Variants in TTLL12 observed in about 807,000 individuals in gnomAD.
The protein encoded by TTLL12 is tubulin tyrosine ligase like 12.
In TTLL12, 77 loss-of-function variants were observed where a neutral mutation model predicts 79.6. That is an observed-to-expected ratio of 0.97 (90% confidence interval 0.81 to 1.17). TTLL12 has a LOEUF of 1.17. Among genes scored for constraint, TTLL12 ranks in the 50% most tolerant of loss-of-function variants. The probability of loss-of-function intolerance (pLI) is 0.00; values close to 1 mark genes in which losing one functional copy is unlikely to be tolerated. For missense variants in TTLL12, 969 were observed against 895.9 expected (o/e 1.08, Z -1.04); for synonymous variants, 437 against 376.1 (o/e 1.16, Z -1.87).
chr22:43,181,936 A>G (rs1054592990), intron 2 of TTLL12, among the ~76,000 whole-genome samples: 3 of 150,020 alleles, frequency 2.0e-5, no homozygotes, highest in Non-Finnish European at 4.5e-5. Flanking sequence ...GTACAAAGAT[A>G]GCTATGGGGA....
At position 43,176,352 on chromosome 22, in the gene TTLL12, G is replaced by C. The variant is rs1425654013; in HGVS notation, c.885C>G (p.Asn295Lys). The change falls in exon 6 of 14, where the codon AAC becomes AAG. Residue 295 changes from asparagine to lysine, a missense_variant. Transcript: ENST00000216129. ...TGTGGCCGTGGGGGTGCACCACGGG[G>C]TTGATGTCAAGTGGCAGCTTCTCCT... is the stretch of plus-strand genomic sequence containing the variant. ...ENKEKLPLDI[N>K]PVVHPHGHIF... 16 of 1,604,906 alleles carry C rather than the reference G, an allele frequency of 1.0e-5. No individual in the cohort carries two copies. Among genetic ancestry groups the C allele is most frequent in the Non-Finnish European group, 1.4e-5 (16 of 1,176,912 alleles).
chr22:43,178,414 T>C (rs1186801595), intron 5 of TTLL12, among the ~76,000 whole-genome samples: 2 of 151,786 alleles, frequency 1.3e-5, no homozygotes, highest in Admixed American at 6.6e-5. Context: ...CTCCGCCTCC[T>C]GGGTTCACAC....
At chr22:43,173,479 T>G (rs1410836474) in intron 9 of TTLL12, among the ~76,000 whole-genome samples, 1 of 152,066 alleles carries the variant, frequency 6.6e-6, no homozygotes, top group African/African-American at 2.4e-5. Context: ...CCCAGATAAT[T>G]TTTAAAGTTT....
chr22:43,171,784 G>A lies in TTLL12; in HGVS notation c.1575+35C>T, dbSNP rs770688841. ...TGGGGTCGGGTGTGCCCTGGCCTCT[G>A]TGTGAACCTGCTCTGCACCTCCCTC... On this transcript the variant is annotated intron_variant, in intron 11 of 13. Coordinates refer to ENST00000216129, the MANE Select transcript of TTLL12 (RefSeq NM_015140.4). 19 of 1,598,446 alleles carry A rather than the reference G, an allele frequency of 1.2e-5. No homozygotes were observed. The East Asian group carries it at 3.8e-4, about 32-fold the overall frequency.
rs1322912865 is a variant in TTLL12, at chr22:43,186,990, G to A, written c.80C>T (p.Ala27Val). ...GTGCAGCGCCGCGAACTCGGCCAAGGCCTGCGCGCCCTCCTCCGGCGTCTG... is the reference window on the plus strand; with the variant it reads ...GTGCAGCGCCGCGAACTCGGCCAAGACCTGCGCGCCCTCCTCCGGCGTCTG... Reference protein sequence around the residue: ...PGQTPEEGAQALAEFAALHGP... With the variant: ...PGQTPEEGAQVLAEFAALHGP... The change falls in exon 1 of 14, where the codon GCC becomes GTC. Residue 27 changes from alanine (A) to valine (V), a missense_variant. By Grantham distance (64) the Ala-to-Val change is moderately conservative. Coordinates refer to ENST00000216129, the MANE Select transcript of TTLL12 (RefSeq NM_015140.4). The A allele has an allele frequency of 1.6e-6, 2 of 1,284,142 alleles. No individual in the cohort carries two copies. Among genetic ancestry groups the A allele is most frequent in the Non-Finnish European group, 2.0e-6 (2 of 1,013,256 alleles). The allele number at this position is 1,284,142 out of a possible 1,614,324, so 79.5% of individuals were successfully genotyped here. A position where few individuals can be genotyped will look rare whatever the true frequency, so the allele number is the denominator to read the frequency against.
intron 9 of TTLL12, among the ~76,000 whole-genome samples, chr22:43,172,875 T>G (rs1014759484): frequency 2.2e-4 from 34 of 152,002 alleles, no homozygotes; most frequent in African/African-American, 8.2e-4. Flanking sequence ...TTTCTGTATT[T>G]TTAGTAGAGA....
intron 1 of TTLL12, among the ~76,000 whole-genome samples, chr22:43,186,283 A>G (rs925289577): frequency 6.9e-6 from 1 of 145,612 alleles, no homozygotes; most frequent in Non-Finnish European, 1.5e-5. Flanking sequence ...GACAGTGGGG[A>G]ACGCTTTGGA....
intron 10 of TTLL12, 99 bp from the exon 11 acceptor site, chr22:43,171,999 C>T: frequency 9.7e-7 from 1 of 1,029,352 alleles, no homozygotes; most frequent in African/African-American, 1.6e-5. Flanking sequence ...GGGTTCAGGG[C>T]TCAGGGCAGG....
chr22:43,173,624 A>C (rs1158583989), intron 9 of TTLL12, 91 bp downstream of exon 9: 2 of 1,268,136 alleles, frequency 1.6e-6, no homozygotes, highest in Non-Finnish European at 1.1e-6. Context: ...GGACCTGTCC[A>C]TAAGGACCAT....
At chr22:43,177,736 C>T (rs180869921) in intron 5 of TTLL12, among the ~76,000 whole-genome samples, 8 of 152,338 alleles carry the variant, frequency 5.3e-5, no homozygotes, top group African/African-American at 7.2e-5. Flanking sequence ...GCCCGACGGG[C>T]GGCCTGTGTA....
intron 13 of TTLL12, 54 bp downstream of exon 13, chr22:43,168,720 C>T: frequency 2.6e-6 from 4 of 1,542,288 alleles, no homozygotes; most frequent in African/African-American, 1.4e-5. Flanking sequence ...CTGTGGCTGG[C>T]TGGCGGAGGG....
chr22:43,187,097 G>T lies in TTLL12; in HGVS notation c.-28C>A. 1.8e-6 allele frequency: 2 copies of T among 1,084,474 alleles called. No homozygotes were observed. Among genetic ancestry groups the T allele is most frequent in the Non-Finnish European group, 2.2e-6 (2 of 896,666 alleles). The allele number at this position is 1,084,474 out of a possible 1,614,324, so 67.2% of individuals were successfully genotyped here. A position where few individuals can be genotyped will look rare whatever the true frequency, so the allele number is the denominator to read the frequency against. On this transcript the variant is annotated 5_prime_UTR_variant, in exon 1 of 14. Coordinates refer to ENST00000216129, the MANE Select transcript of TTLL12 (RefSeq NM_015140.4). ...CGCCAGCACCCGCGCCGACTCCAGC[G>T]CCGCCACCGCCGCCGCCGCCCGCCG...
At chr22:43,180,041 C>T (rs1430744755) in intron 3 of TTLL12, 41 bp from the exon 4 acceptor site, 7 of 1,531,490 alleles carry the variant, frequency 4.6e-6, no homozygotes, top group Non-Finnish European at 6.1e-6. Context: ...CTCACCCATC[C>T]ACCCACCGGA....
intron 9 of TTLL12, among the ~76,000 whole-genome samples, chr22:43,172,928 C>T (rs1452606306): frequency 1.3e-5 from 2 of 152,256 alleles, no homozygotes; most frequent in African/African-American, 2.4e-5. Context: ...GAACTCTTGA[C>T]CTCAGGTGAT....
chr22:43,186,614 G>A (rs1343143208), intron 1 of TTLL12, among the ~76,000 whole-genome samples: 2 of 152,168 alleles, frequency 1.3e-5, no homozygotes, highest in East Asian at 1.9e-4. Flanking sequence ...TTCACTCCTC[G>A]CAGGGCTGTG....
At chr22:43,182,322 C>G (rs1198468288) in intron 2 of TTLL12, among the ~76,000 whole-genome samples, 2 of 152,242 alleles carry the variant, frequency 1.3e-5, no homozygotes, top group Admixed American at 6.5e-5. Context: ...TGGCTTGCTA[C>G]TGCCCACTCC....
intron 13 of TTLL12, 128 bp from the exon 14 acceptor site, chr22:43,168,287 G>A: frequency 7.5e-7 from 1 of 1,334,734 alleles, no homozygotes. Flanking sequence ...GGATGAGCAG[G>A]ACAAGGCCGG....
rs755655409 is a variant in TTLL12, at chr22:43,168,145, G to A, written c.1798C>T (p.Gln600Ter). 21 of 1,613,952 alleles carry A rather than the reference G, an allele frequency of 1.3e-5. No homozygotes were observed. The highest frequency in any genetic ancestry group is 2.2e-5 in the East Asian group (1 of 44,892). The change falls in exon 14 of 14, where the codon CAG (glutamine) becomes TAG (stop). Residue 600 changes from glutamine (Q) to a stop codon, truncating the protein, a stop_gained. Transcript: ENST00000216129. LOFTEE classifies it high-confidence loss of function. ...AAGTTCACCTCCAGGATCTGCGGCT[G>A]CATCACCCGCCTTCCTGATGGCAAA... ...DNGPDGRRVMQPQILEVNFNP... is the reference protein window; with the variant it reads ...DNGPDGRRVM
At chr22:43,178,328 T>TC (rs2147073029) in intron 5 of TTLL12, among the ~76,000 whole-genome samples, 1 of 151,150 alleles carries the variant, frequency 6.6e-6, no homozygotes, top group Admixed American at 6.6e-5. Flanking sequence ...GCTCTATTTT[T>TC]TTTTTTTTTT....
Sources: allele counts gnomAD v4.1 joint callset (sites outside exome capture counted in the v4.1 genomes callset), GRCh38; gene constraint gnomAD v4.1.1; transcripts MANE v1.5; gene names NCBI Gene and HGNC (gene_info 2026-07-23, HGNC 2026-07-21).